Variants in NRBP1 observed in about 807,000 individuals in gnomAD.
NRBP1 encodes the protein nuclear receptor binding protein 1, also known as nuclear receptor-binding protein.
NRBP1 carries 10 observed loss-of-function variants against 76.0 expected under a neutral mutation model. The observed-to-expected ratio is 0.13, with a 90% CI of 0.08 to 0.22. The LOEUF is 0.22. NRBP1 is among the 10% of genes least tolerant of loss of function. The pLI is 1.00. For missense variants in NRBP1, 344 were observed against 646.0 expected, an observed-to-expected ratio of 0.53 and a Z score of 5.07; for synonymous variants, 235 against 240.2, an observed-to-expected ratio of 0.98 and a Z score of 0.20.
intron 1 of NRBP1, 34 bp downstream of exon 1, chr2:27,428,765 A>G (rs571502836): frequency 8.6e-5 from 34 of 396,530 alleles, no homozygotes; most frequent in African/African-American, 5.6e-4. Context: ...CCCGGGAGGG[A>G]GGGGTTCGCG....
chr2:27,439,502 A>G (rs1664444659), intron 10 of NRBP1, among the ~76,000 whole-genome samples: 1 of 152,088 alleles, frequency 6.6e-6, no homozygotes, highest in South Asian at 2.1e-4. Flanking sequence ...AAAAAAAAAA[A>G]AATTGTGAAC....
rs1572691493 is a variant in NRBP1, at chr2:27,437,042, C to T, written c.746-5C>T. On this transcript the variant is annotated splice_polypyrimidine_tract_variant and splice_region_variant and intron_variant, in intron 8 of 17. Coordinates refer to ENST00000379852, the MANE Select transcript of NRBP1 (RefSeq NM_013392.4). ...ATTAACCAAAGCCTTCTCTGTTTTC[C>T]CTAGAAGTCACTAATGTGACAACAG... The T allele has an allele frequency of 6.2e-7, 1 of 1,613,126 alleles. No homozygotes were observed. Among genetic ancestry groups the T allele is most frequent in the East Asian group, 2.2e-5 (1 of 44,858 alleles).
Position 27,433,324 on chromosome 2 carries a change from G to A in NRBP1, c.51G>A (p.Lys17=). The change falls in exon 2 of 18, where the codon AAG becomes AAA. Residue 17 remains lysine, a synonymous_variant. Coordinates refer to ENST00000379852, the MANE Select transcript of NRBP1 (RefSeq NM_013392.4). Reference sequence around the variant, plus strand: ...TACTTAGCAGTGGCTCAGACCCAAAGGTAGAATCCTCATCTTCAGCTCCTG... The same window carrying A: ...TACTTAGCAGTGGCTCAGACCCAAAAGTAGAATCCTCATCTTCAGCTCCTG... ...QTVLSSGSDP[K]VESSSSAPGL... is the part of the protein sequence containing the mutation. The A allele has an allele frequency of 1.9e-6, 3 of 1,614,232 alleles. No homozygotes were observed. Among genetic ancestry groups the A allele is most frequent in the Non-Finnish European group, 2.5e-6 (3 of 1,180,048 alleles).
rs750877807 is a variant in NRBP1 at position 27,441,330 on chromosome 2, A to G, written c.1447A>G (p.Asn483Asp). Residue 483 changes from asparagine (N) to aspartate (D), a missense_variant and splice_region_variant, in exon 16 of 18, where the codon AAT (asparagine) becomes GAT (aspartate). Physicochemically the swap from Asn to Asp is conservative, Grantham distance 23. Coordinates refer to ENST00000379852, the MANE Select transcript of NRBP1 (RefSeq NM_013392.4). ...NRHLSCDLMP[N>D]ENIPELAAEL... ...GCACCTGAGCTGTGACCTGATGCCA[A>G]GTGAGTCTCTCCTTTCCCTCAGAGG... The G allele has an allele frequency of 3.1e-6, 5 of 1,613,602 alleles. No homozygotes were observed. Among genetic ancestry groups the G allele is most frequent in the Non-Finnish European group, 3.4e-6 (4 of 1,179,694 alleles).
Position 27,433,708 on chromosome 2 carries a change from A to G in NRBP1, c.246A>G (p.Ala82=). ...GGAATGTACCAGGTATTGACAGTGC[A>G]TACCTGGCCATGGATACAGAGGAAG... The part of the protein sequence containing the change: ...NQRNVPGIDS[A]YLAMDTEEGV... The change falls in exon 3 of 18, where the codon GCA becomes GCG. Residue 82 remains alanine, a synonymous_variant. Coordinates refer to ENST00000379852, the MANE Select transcript of NRBP1 (RefSeq NM_013392.4). 3 of 1,614,228 alleles carry G rather than the reference A, an allele frequency of 1.9e-6. No individual in the cohort carries two copies. Among genetic ancestry groups the G allele is most frequent in the Non-Finnish European group, 2.5e-6 (3 of 1,180,030 alleles).
intron 4 of NRBP1, 48 bp downstream of exon 4, chr2:27,434,138 G>A: frequency 7.4e-7 from 1 of 1,357,234 alleles, no homozygotes; most frequent in South Asian, 1.2e-5. Flanking sequence ...AAAGAGACTA[G>A]CTACATTTAT....
chr2:27,441,658 C>T (rs768384545), intron 17 of NRBP1, 36 bp downstream of exon 17: 1 of 1,613,166 alleles, frequency 6.2e-7, no homozygotes, highest in Non-Finnish European at 8.5e-7. Context: ...TGGCTGCCCC[C>T]ATGCCTTCTC....
chr2:27,428,477 C>T, upstream of NRBP1: 1 of 393,814 alleles, frequency 2.5e-6, no homozygotes, highest in Non-Finnish European at 4.5e-6. Context: ...TCGGCCGGAC[C>T]GGCGCAAGGG....
Position 27,434,074 on chromosome 2 carries a change from A to G in NRBP1, c.419A>G (p.Lys140Arg). 6.2e-7 allele frequency: 1 copy of G among 1,613,768 alleles called. No homozygotes were observed. Among genetic ancestry groups the G allele is most frequent in the Middle Eastern group, 1.7e-4 (1 of 6,056 alleles). Residue 140 changes from lysine (K) to arginine (R), a missense_variant, in exon 4 of 18, where the codon AAA (lysine) becomes AGA (arginine). Around this residue, in one of 3 missense-constraint regions of NRBP1, gnomAD observed 73 missense variants for 287.8 expected, o/e 0.25. Transcript: ENST00000379852. ...VKFHKYWADI[K>R]ENKARVIFIT... is the part of the protein sequence containing the mutation. ...TTTCACAAATATTGGGCTGACATTA[A>G]AGAGAACAAGGCCAGGGTAAGAATT...
chr2:27,431,564 C>T (rs1664116329), intron 1 of NRBP1: 1 of 152,128 alleles, frequency 6.6e-6, no homozygotes, highest in East Asian at 1.9e-4. Context: ...AACCAATACC[C>T]ATTTGTCACA....
chr2:27,436,024 C>G (rs748057098), intron 7 of NRBP1: 1 of 563,374 alleles, frequency 1.8e-6, no homozygotes, highest in Non-Finnish European at 3.2e-6. Context: ...CTCCCAGATT[C>G]TCTGTGACTT....
At chr2:27,436,245 C>A (rs993322460) in intron 7 of NRBP1, 1 of 208,630 alleles carries the variant, frequency 4.8e-6, no homozygotes, top group Non-Finnish European at 9.8e-6. Flanking sequence ...AAGGAGGCTA[C>A]CTCCTGAGCT....
chr2:27,441,883 C>T lies in NRBP1; in HGVS notation c.*71C>T, dbSNP rs540472637. ...ACGTGCTGCAGCCCTCCTGTCCCTT[C>T]CCCCCAGTCAGTATTACCCTGTGAA... On this transcript the variant is annotated 3_prime_UTR_variant, in exon 18 of 18. Transcript: ENST00000379852. The T allele has an allele frequency of 1.1e-5, 10 of 901,704 alleles. No homozygotes were observed. Among genetic ancestry groups the T allele is most frequent in the Middle Eastern group, 2.3e-4 (1 of 4,400 alleles). The allele number at this position is 901,704 out of a possible 1,614,324, so 55.9% of individuals were successfully genotyped here. A position where few individuals can be genotyped will look rare whatever the true frequency, so the allele number is the denominator to read the frequency against.
upstream of NRBP1, chr2:27,428,338 C>T (rs1023037905): frequency 7.4e-6 from 2 of 270,718 alleles, no homozygotes; most frequent in African/African-American, 2.2e-5. Context: ...TGTCATGGCG[C>T]CTTCAAGAAG....
chr2:27,441,641 T>C lies in NRBP1; in HGVS notation c.1503+19T>C, dbSNP rs552464709. Reference sequence around the variant, plus strand: ...TAGTGAGGTGAGGTTTCTGCCTTCATCTGCCCTGGCTGCCCCCATGCCTTC... The same window carrying C: ...TAGTGAGGTGAGGTTTCTGCCTTCACCTGCCCTGGCTGCCCCCATGCCTTC... On this transcript the variant is annotated intron_variant, in intron 17 of 17. Transcript: ENST00000379852. 6 of 1,614,066 alleles carry C rather than the reference T, an allele frequency of 3.7e-6. No individual in the cohort carries two copies. The South Asian group carries it at 4.4e-5, about 12-fold the overall frequency.
rs1010093505 is a variant in NRBP1, at chr2:27,435,304, G to C, written c.661+77G>C. 6.5e-6 allele frequency: 8 copies of C among 1,234,960 alleles called. No individual in the cohort carries two copies. The African/African-American group carries it at 1.2e-4, about 18-fold the overall frequency. The allele number at this position is 1,234,960 out of a possible 1,614,324, so 76.5% of individuals were successfully genotyped here. On this transcript the variant is annotated intron_variant, in intron 7 of 17. Transcript: ENST00000379852. ...ATGGGGGTAAGATGAAAGGAATGGG[G>C]GATAACAGAGCAAAATTCTGAGGTG...
At chr2:27,437,001 A>C in intron 8 of NRBP1, 46 bp from the exon 9 acceptor site, 1 of 1,577,038 alleles carries the variant, frequency 6.3e-7, no homozygotes, top group East Asian at 2.2e-5. Flanking sequence ...TGCCAACCCT[A>C]GCCCCCAATC....
At chr2:27,428,870 A>T (rs1230362891) in intron 1 of NRBP1, 139 bp downstream of exon 1, 1 of 396,530 alleles carries the variant, frequency 2.5e-6, no homozygotes, top group African/African-American at 2.1e-5. Context: ...CCCAGGCCCG[A>T]TCGGGCCCTG....
intron 1 of NRBP1, among the ~76,000 whole-genome samples, chr2:27,429,754 G>A (rs982833435): frequency 6.6e-6 from 1 of 152,124 alleles, no homozygotes; most frequent in African/African-American, 2.4e-5. Context: ...AAATTCCAAG[G>A]GCATCTATCT....
Sources: allele counts gnomAD v4.1 joint callset (sites outside exome capture counted in the v4.1 genomes callset), GRCh38; gene constraint gnomAD v4.1.1; regional missense constraint gnomAD v4.1.1; transcripts MANE v1.5; gene names NCBI Gene and HGNC (gene_info 2026-07-23, HGNC 2026-07-21).